STAC: variants seen among roughly 807,000 people sequenced by gnomAD.
STAC encodes SH3 and cysteine-rich domain-containing protein.
In STAC, 43 loss-of-function variants were observed where a neutral mutation model predicts 48.8. The ratio of observed to expected loss-of-function variants is 0.88; its 90% CI spans 0.69 to 1.14. The LOEUF is 1.14. STAC is among the 50% of genes most tolerant of loss of function. The pLI is 0.00. For missense variants in STAC, 497 were observed against 504.0 expected (o/e 0.99, Z 0.13); for synonymous variants, 193 against 179.5 (o/e 1.07, Z -0.60).
chr3:36,515,469 A>AG (rs1698648460), intron 8 of STAC, among the ~76,000 whole-genome samples: 1 of 152,142 alleles, frequency 6.6e-6, no homozygotes, highest in Non-Finnish European at 1.5e-5. Flanking sequence ...CAGTGTTTGA[A>AG]GGGGAAAGGG....
chr3:36,442,739 TACACACACACAC>T (rs10528748), intron 1 of STAC, among the ~76,000 whole-genome samples: 6,143 of 133,236 alleles, frequency 0.046, 138 homozygotes, highest in Middle Eastern at 0.071. Context: ...TCCTATGTCC[TACACACACACAC>T]ACACACACAC....
intron 1 of STAC, among the ~76,000 whole-genome samples, chr3:36,413,940 G>A (rs2125637355): frequency 6.6e-6 from 1 of 152,252 alleles, no homozygotes. Flanking sequence ...ATGAAGCTTA[G>A]TTTGACTGGA....
Position 36,482,550 on chromosome 3 carries a change from C to T in STAC, c.389-442C>T, listed in dbSNP as rs561089577. ...CAGCCCCACTCTCACACAGACCTGC[C>T]CTTCCCCCTTAATCAGTCATTTTCC... is the stretch of plus-strand genomic sequence containing the variant. On this transcript the variant is annotated intron_variant, in intron 2 of 10. Coordinates refer to ENST00000273183, the MANE Select transcript of STAC (RefSeq NM_003149.3). 2.0e-5 allele frequency among the ~76,000 whole-genome samples: 3 copies of T among 152,316 alleles called. No individual in the cohort carries two copies. The South Asian group carries it at 6.2e-4, about 32-fold the overall frequency.
chr3:36,436,147 T>C (rs564000919), intron 1 of STAC, among the ~76,000 whole-genome samples: 1 of 152,326 alleles, frequency 6.6e-6, no homozygotes, highest in South Asian at 2.1e-4. Flanking sequence ...GCAGTGCCAC[T>C]TGAATTCCAA....
intron 1 of STAC, among the ~76,000 whole-genome samples, chr3:36,402,497 A>G (rs1257509643): frequency 6.6e-6 from 1 of 152,248 alleles, no homozygotes; most frequent in East Asian, 1.9e-4. Flanking sequence ...CAGAGCTAGA[A>G]GCTTACAGCA....
intron 2 of STAC, among the ~76,000 whole-genome samples, chr3:36,449,120 TA>T (rs994610636): frequency 5.3e-5 from 8 of 151,204 alleles, no homozygotes; most frequent in Non-Finnish European, 7.4e-5. Flanking sequence ...CTTCATCTCT[TA>T]AAAAAAAATT....
At chr3:36,431,029 G>A (rs528464593) in intron 1 of STAC, among the ~76,000 whole-genome samples, 24 of 152,276 alleles carry the variant, frequency 1.6e-4, no homozygotes, top group African/African-American at 4.8e-4. Context: ...CTATTTGCAC[G>A]GTATTATGAG....
At chr3:36,414,554 G>A (rs548730174) in intron 1 of STAC, among the ~76,000 whole-genome samples, 3 of 152,146 alleles carry the variant, frequency 2.0e-5, no homozygotes, top group East Asian at 3.9e-4. Flanking sequence ...CTCTGCATTG[G>A]TTATTCTAGT....
intron 2 of STAC, among the ~76,000 whole-genome samples, chr3:36,454,469 T>C (rs966521374): frequency 3.4e-4 from 51 of 152,200 alleles, no homozygotes; most frequent in African/African-American, 1.2e-3. Flanking sequence ...ACGCCACCAT[T>C]AAGAACTGTA....
Position 36,468,750 on chromosome 3 carries a change from A to ATGTG in STAC, c.389-14222_389-14219dup, listed in dbSNP as rs142552025. The stretch of plus-strand genomic sequence containing the variant: ...ATGTATATATATATAAAATACATAT[A>ATGTG]TGTGTGTGTGTGTGTGTGTGTGTTT... On this transcript the variant is annotated intron_variant, in intron 2 of 10. Transcript: ENST00000273183. Among the ~76,000 whole-genome samples, 444 of 145,516 alleles carry ATGTG rather than the reference A, an allele frequency of 3.1e-3. 1 individual carries two copies. Among genetic ancestry groups the ATGTG allele is most frequent in the African/African-American group, 0.01 (399 of 39,880 alleles).
At chr3:36,508,203 G>A (rs1188964215) in intron 8 of STAC, among the ~76,000 whole-genome samples, 1 of 152,146 alleles carries the variant, frequency 6.6e-6, no homozygotes, top group Admixed American at 6.5e-5. Context: ...GGAGCAGGTT[G>A]TTCAGTTTCC....
chr3:36,468,296 A>C (rs1559503099), intron 2 of STAC, among the ~76,000 whole-genome samples: 1 of 151,928 alleles, frequency 6.6e-6, no homozygotes, highest in Non-Finnish European at 1.5e-5. Flanking sequence ...AAATTTACTG[A>C]GACTTGTTTT....
At chr3:36,513,477 C>A (rs1165684792) in intron 8 of STAC, among the ~76,000 whole-genome samples, 1 of 152,190 alleles carries the variant, frequency 6.6e-6, no homozygotes, top group African/African-American at 2.4e-5. Context: ...TGTAAAAGAG[C>A]TTTCCTGGTC....
intron 1 of STAC, among the ~76,000 whole-genome samples, chr3:36,389,303 G>A (rs978196526): frequency 6.6e-6 from 1 of 152,114 alleles, no homozygotes; most frequent in Non-Finnish European, 1.5e-5. Context: ...ATCAGCAGAG[G>A]GCCTGTTTCC....
chr3:36,485,136 T>A, intron 4 of STAC, 78 bp downstream of exon 4: 7 of 1,237,452 alleles, frequency 5.7e-6, no homozygotes, highest in Non-Finnish European at 8.0e-6. Context: ...CTCCCATGGC[T>A]GCAAAACCCG....
intron 1 of STAC, among the ~76,000 whole-genome samples, chr3:36,398,411 AGAG>A: frequency 3.7e-5 from 5 of 136,462 alleles, no homozygotes; most frequent in Non-Finnish European, 4.7e-5. Flanking sequence ...AGAGAAAGAG[AGAG>A]GGAAGGAAGG....
chr3:36,544,184 G>A (rs1699392309), intron 10 of STAC, among the ~76,000 whole-genome samples: 1 of 152,040 alleles, frequency 6.6e-6, no homozygotes, highest in African/African-American at 2.4e-5. Context: ...TACTGGCATG[G>A]GCAATGGCAG....
At chr3:36,535,906 C>T (rs1281407738) in intron 10 of STAC, among the ~76,000 whole-genome samples, 3 of 152,152 alleles carry the variant, frequency 2.0e-5, no homozygotes, top group Non-Finnish European at 4.4e-5. Context: ...CGATCTTCAT[C>T]AGGGATATTG....
intron 10 of STAC, among the ~76,000 whole-genome samples, chr3:36,536,590 T>C (rs1428608414): frequency 6.6e-6 from 1 of 152,020 alleles, no homozygotes; most frequent in Non-Finnish European, 1.5e-5. Flanking sequence ...TATACAAAAA[T>C]TAACTCAACC....
Sources: allele counts gnomAD v4.1 joint callset (sites outside exome capture counted in the v4.1 genomes callset), GRCh38; gene constraint gnomAD v4.1.1; transcripts MANE v1.5; gene names NCBI Gene and HGNC (gene_info 2026-07-23, HGNC 2026-07-21).